Variants in FER1L6 observed in about 807,000 individuals in gnomAD.
FER1L6 encodes fer-1-like protein 6.
In FER1L6, 177 loss-of-function variants were observed where a neutral mutation model predicts 219.2. That is an observed-to-expected ratio of 0.81 (90% CI 0.71 to 0.91). The LOEUF (loss-of-function observed/expected upper bound fraction) is 0.91, where lower values mean the gene tolerates loss of function less well. Ranked by LOEUF, FER1L6 falls within the 40% of genes least tolerant of loss-of-function variation. The probability of loss-of-function intolerance (pLI) is 0.00; values close to 1 mark genes in which losing one functional copy is unlikely to be tolerated. For missense variants in FER1L6, 2,153 were observed against 2,259.9 expected, an observed-to-expected ratio of 0.95 and a Z score of 0.96; for synonymous variants, 768 against 824.3, an observed-to-expected ratio of 0.93 and a Z score of 1.17.
At chr8:124,049,952 TAA>T (rs763260071) in intron 22 of FER1L6, among the ~76,000 whole-genome samples, 196 bp downstream of exon 22, 44 of 152,210 alleles carry the variant, frequency 2.9e-4, no homozygotes, top group Admixed American at 2.6e-4. Context: ...CCTGAGCTTA[TAA>T]GTCAGAATCT....
rs559137171 is a variant in FER1L6, at chr8:124,023,569, C to A, written c.2259C>A (p.Cys753Ter). ...TCGCGGGGCAGATGGGCAAACACTG[C>A]GGCAAGATCAAAACTCACTTCCTCA... ...SPVAGQMGKH[C>*]GKIKTHFLKP... Residue 753 changes from cysteine to a stop codon, truncating the protein, a stop_gained, in exon 18 of 41, where the codon TGC (cysteine) becomes TGA (stop). Transcript: ENST00000522917. LOFTEE classifies it high-confidence loss of function. 5 of 1,613,934 alleles carry A rather than the reference C, an allele frequency of 3.1e-6. No individual in the cohort carries two copies. In the African/African-American group the frequency reaches 4.0e-5, roughly 13 times the overall value.
intron 1 of FER1L6, among the ~76,000 whole-genome samples, chr8:123,883,811 C>A (rs1165823194): frequency 6.6e-6 from 1 of 152,154 alleles, no homozygotes; most frequent in Non-Finnish European, 1.5e-5. Flanking sequence ...AGCTCTCTTG[C>A]AACTCTTTTA....
At chr8:123,966,850 G>A (rs1002924424) in intron 5 of FER1L6, among the ~76,000 whole-genome samples, 3 of 152,142 alleles carry the variant, frequency 2.0e-5, no homozygotes, top group Admixed American at 6.5e-5. Context: ...GGGAGGCCAC[G>A]GCGTGCGGAT....
intron 9 of FER1L6, 52 bp from the exon 10 acceptor site, chr8:123,977,365 T>C (rs1816127521): frequency 6.5e-7 from 1 of 1,536,334 alleles, no homozygotes. Flanking sequence ...AAGAGTTTTC[T>C]GTAGTCAGTC....
In FER1L6 at chr8:123,881,748, G is replaced by A. The variant is rs78704497; in HGVS notation, c.-8+29563G>A. ...TGAGTCGGCCTCGTCTTACTGGGGA[G>A]AAGAGACAATTTCTTCCACAGGTCC... On this transcript the variant is annotated intron_variant, in intron 1 of 40. Coordinates refer to ENST00000522917, the MANE Select transcript of FER1L6 (RefSeq NM_001039112.2). 4.0e-3 allele frequency among the ~76,000 whole-genome samples: 612 copies of A among 152,274 alleles called. 3 individuals carry two copies. Among genetic ancestry groups the A allele is most frequent in the African/African-American group, 0.014 (572 of 41,552 alleles).
chr8:124,101,483 T>C (rs1280511754), intron 38 of FER1L6, 145 bp downstream of exon 38: 1 of 681,208 alleles, frequency 1.5e-6, no homozygotes, highest in Non-Finnish European at 2.4e-6. Context: ...AAATAGCCAT[T>C]AATAGGGAAT....
intron 1 of FER1L6, among the ~76,000 whole-genome samples, chr8:123,916,255 T>C (rs1813187171): frequency 6.6e-6 from 1 of 152,220 alleles, no homozygotes; most frequent in Non-Finnish European, 1.5e-5. Context: ...CCTCCTGGAC[T>C]GTAAACAAAT....
chr8:124,091,559 A>T lies in FER1L6; in HGVS notation c.4528A>T (p.Thr1510Ser). ...QIGNQVFSGK[T>S]IFTEEDTDET... is the part of the protein sequence containing the mutation. ...AGGAAACCAAGTCTTTTCTGGAAAA[A>T]CTATCTTCACTGAAGAGGACACTGG... The change falls in exon 34 of 41, where the codon ACT (threonine) becomes TCT (serine). Residue 1510 changes from threonine to serine, a missense_variant. Transcript: ENST00000522917. The T allele has an allele frequency of 6.2e-7, 1 of 1,614,036 alleles. No homozygotes were observed. The highest frequency in any genetic ancestry group is 8.5e-7 in the Non-Finnish European group (1 of 1,179,928).
At chr8:123,866,188 A>G (rs549303607) in intron 1 of FER1L6, among the ~76,000 whole-genome samples, 23 of 152,012 alleles carry the variant, frequency 1.5e-4, no homozygotes, top group Admixed American at 5.9e-4. Flanking sequence ...ATTATACGGT[A>G]TTTGTCTTTT....
At chr8:124,035,531 T>C in intron 19 of FER1L6, 77 bp downstream of exon 19, 2 of 1,440,180 alleles carry the variant, frequency 1.4e-6, no homozygotes, top group South Asian at 1.4e-5. Context: ...GAGGGCAGCA[T>C]GCATGAGTTT....
chr8:124,065,062 G>T (rs1455342880), intron 26 of FER1L6, among the ~76,000 whole-genome samples: 1 of 152,052 alleles, frequency 6.6e-6, no homozygotes, highest in Non-Finnish European at 1.5e-5. Context: ...GAAAAATCTT[G>T]GTGTATCAAT....
At chr8:124,000,421 G>C (rs1032653234) in intron 12 of FER1L6, among the ~76,000 whole-genome samples, 1 of 152,030 alleles carries the variant, frequency 6.6e-6, no homozygotes, top group African/African-American at 2.4e-5. Flanking sequence ...GTCTTTCTGT[G>C]GGGGGTGATC....
At position 124,042,368 on chromosome 8, in the gene FER1L6, C is replaced by T. The variant is rs149202526; in HGVS notation, c.2589+2362C>T. Among the ~76,000 whole-genome samples, 716 of 152,366 alleles carry T rather than the reference C, an allele frequency of 4.7e-3. 5 individuals carry two copies. Among genetic ancestry groups the T allele is most frequent in the African/African-American group, 0.017 (689 of 41,592 alleles). On this transcript the variant is annotated intron_variant, in intron 20 of 40. Coordinates refer to ENST00000522917, the MANE Select transcript of FER1L6 (RefSeq NM_001039112.2). The stretch of plus-strand genomic sequence containing the variant: ...GCTGCTATTTACTAAAAGCTCCCCA[C>T]GTGCTGGGCACAATGCTTAGCATTT...
At chr8:123,999,569 C>T (rs943118087) in intron 12 of FER1L6, among the ~76,000 whole-genome samples, 15 of 152,014 alleles carry the variant, frequency 9.9e-5, no homozygotes, top group Non-Finnish European at 1.3e-4. Flanking sequence ...AGGCTGAGGC[C>T]GGAGAATTGC....
Position 124,097,808 on chromosome 8 carries a change from G to A in FER1L6, c.4808G>A (p.Trp1603Ter). Residue 1603 changes from tryptophan (W) to a stop codon, truncating the protein, a stop_gained, in exon 37 of 41, where the codon TGG (tryptophan) becomes TAG (stop). Transcript: ENST00000522917. LOFTEE classifies it high-confidence loss of function. ...AGATACGAATTGAGAGTGACCATCT[G>A]GAACACTGAAGATGTCATTTTAGAG... ...PKGYELRVTIWNTEDVILEDE... is the reference protein window; with the variant it reads ...PKGYELRVTI The A allele has an allele frequency of 6.2e-7, 1 of 1,602,672 alleles. No homozygotes were observed. Among genetic ancestry groups the A allele is most frequent in the South Asian group, 1.1e-5 (1 of 90,874 alleles).
At chr8:123,896,944 A>G (rs1812753985) in intron 1 of FER1L6, among the ~76,000 whole-genome samples, 1 of 152,106 alleles carries the variant, frequency 6.6e-6, no homozygotes, top group African/African-American at 2.4e-5. Flanking sequence ...TCCTCAATCC[A>G]GGCCCTGACC....
At chr8:123,856,162 A>G (rs1219444560) in intron 1 of FER1L6, among the ~76,000 whole-genome samples, 2 of 51,408 alleles carry the variant, frequency 3.9e-5, no homozygotes, top group Admixed American at 2.2e-4. Flanking sequence ...GTATATACAT[A>G]TGTGTATGAG....
chr8:123,915,679 T>A (rs1343131864), intron 1 of FER1L6, among the ~76,000 whole-genome samples: 1 of 152,110 alleles, frequency 6.6e-6, no homozygotes, highest in African/African-American at 2.4e-5. Context: ...CAATCAAAAT[T>A]TGAGTGTTGC....
intron 1 of FER1L6, among the ~76,000 whole-genome samples, chr8:123,857,821 T>C (rs997841886): frequency 6.6e-6 from 1 of 152,206 alleles, no homozygotes; most frequent in African/African-American, 2.4e-5. Flanking sequence ...ACCCTGTTCC[T>C]ACTGCCGGAA....
Sources: allele counts gnomAD v4.1 joint callset (sites outside exome capture counted in the v4.1 genomes callset), GRCh38; gene constraint gnomAD v4.1.1; transcripts MANE v1.5; gene names NCBI Gene and HGNC (gene_info 2026-07-23, HGNC 2026-07-21).